TYK2: variants seen among roughly 807,000 people sequenced by gnomAD.
The protein encoded by TYK2 is tyrosine kinase 2, also known as non-receptor tyrosine-protein kinase TYK2.
Under a neutral mutation model 130.9 loss-of-function variants are expected in TYK2, and 65 were observed. The observed-to-expected ratio is 0.50, with a 90% CI of 0.41 to 0.61. The LOEUF (loss-of-function observed/expected upper bound fraction) is 0.61. Ranked by LOEUF, TYK2 falls within the 20% of genes least tolerant of loss-of-function variation. The pLI is 0.00. For missense variants in TYK2, 1,378 were observed against 1,610.7 expected (o/e 0.86, Z 2.47); for synonymous variants, 647 against 658.9 (o/e 0.98, Z 0.28).
chr19:10,358,261 C>A, intron 15 of TYK2, 123 bp from the exon 16 acceptor site: 11 of 675,512 alleles, frequency 1.6e-5, no homozygotes, highest in Admixed American at 4.4e-5. Flanking sequence ...GGGTTTCTTT[C>A]TGTTTTGTTT....
chr19:10,353,275 C>A lies in TYK2; in HGVS notation c.3028-177G>T. ...AGCAAAAGGAGGCTGAGCCAGAAAG[C>A]AGGGACGGGGCTAGACGAGCAAAGC... is the stretch of plus-strand genomic sequence containing the variant. On this transcript the variant is annotated intron_variant, in intron 21 of 24. Transcript: ENST00000525621. The surrounding 1 kb of genome is among the most constrained non-coding windows in gnomAD (Gnocchi z 6.9). The A allele has an allele frequency of 1.7e-6, 1 of 600,230 alleles. No homozygotes were observed. The allele number at this position is 600,230 out of a possible 1,614,324, so 37.2% of individuals were successfully genotyped here.
chr19:10,363,064 G>A (rs868089651), intron 9 of TYK2, among the ~76,000 whole-genome samples: 30 of 151,964 alleles, frequency 2.0e-4, no homozygotes, highest in South Asian at 4.2e-4. Context: ...TTAGTACAGA[G>A]GGGGTTTCAC....
intron 3 of TYK2, among the ~76,000 whole-genome samples, chr19:10,372,458 C>CTATATATATA (rs569826524): frequency 8.9e-4 from 41 of 45,974 alleles, no homozygotes; most frequent in African/African-American, 2.7e-3. Flanking sequence ...CCACACACAG[C>CTATATATATA]TATATATATA....
chr19:10,354,501 C>T lies in TYK2; in HGVS notation c.2715+11G>A, dbSNP rs1249419886. 3 of 1,613,612 alleles carry T rather than the reference C, an allele frequency of 1.9e-6. No individual in the cohort carries two copies. The highest frequency in any genetic ancestry group is 2.2e-5 in the South Asian group (2 of 91,084). On this transcript the variant is annotated intron_variant, in intron 19 of 24. Transcript: ENST00000525621. ...AGGCGGGCCTTTTAGCAGCTCAGGC[C>T]CGTCCCTCACCTCGCCCAGATCTCG...
At chr19:10,360,074 C>T (rs1012019210) in intron 14 of TYK2, among the ~76,000 whole-genome samples, 1 of 150,968 alleles carries the variant, frequency 6.6e-6, no homozygotes, top group African/African-American at 2.4e-5. Flanking sequence ...CCCAGCTATT[C>T]GGGAGGCTGA....
chr19:10,356,190 C>A (rs2041089933), intron 18 of TYK2, among the ~76,000 whole-genome samples: 1 of 152,092 alleles, frequency 6.6e-6, no homozygotes, highest in African/African-American at 2.4e-5. Context: ...ACCAGCCTGG[C>A]CAACATGGCA....
At position 10,361,583 on chromosome 19, in the gene TYK2, C is replaced by A. The variant is rs1199762336; in HGVS notation, c.1975G>T (p.Ala659Ser). ...TGGGAGACCTGGCTCATGAGGCTGGCTGTCTCGTAGAAGGCCTGTGGGGAC... is the reference window on the plus strand; with the variant it reads ...TGGGAGACCTGGCTCATGAGGCTGGATGTCTCGTAGAAGGCCTGTGGGGAC... ...HDIALAFYET[A>S]SLMSQVSHTH... The change falls in exon 14 of 25, where the codon GCC (alanine) becomes TCC (serine). Residue 659 changes from alanine (A) to serine (S), a missense_variant. Ala to Ser is a moderately conservative substitution (Grantham distance 99, BLOSUM62 1). Transcript: ENST00000525621. The surrounding 1 kb of genome is among the most constrained non-coding windows in gnomAD (Gnocchi z 4.0). 2 of 1,548,906 alleles carry A rather than the reference C, an allele frequency of 1.3e-6. No individual in the cohort carries two copies. The highest frequency in any genetic ancestry group is 1.7e-6 in the Non-Finnish European group (2 of 1,147,290).
intron 3 of TYK2, among the ~76,000 whole-genome samples, chr19:10,376,105 C>G (rs569190227): frequency 5.9e-5 from 9 of 151,454 alleles, no homozygotes; most frequent in South Asian, 4.2e-4. Context: ...CTCCACCTCC[C>G]AAGTTCAAGC....
rs2040928094 is a variant in TYK2, at chr19:10,353,641, T to G, written c.2914A>C (p.Lys972Gln). ...YKGCCEDQGE[K>Q]SLQLVMEYVP... is the part of the protein sequence containing the mutation. ...TACTCCATGACCAGCTGCAGCGACT[T>G]CTCGCCTGCCGCGGAGAGGGGCGGC... Residue 972 changes from lysine (K) to glutamine (Q), a missense_variant, in exon 21 of 25, where the codon AAG becomes CAG. Physicochemically the swap from Lys to Gln is moderately conservative, Grantham distance 53. Transcript: ENST00000525621. The surrounding 1 kb of genome is among the most constrained non-coding windows in gnomAD (Gnocchi z 6.9). 4 of 1,468,918 alleles carry G rather than the reference T, an allele frequency of 2.7e-6. No homozygotes were observed. The highest frequency in any genetic ancestry group is 2.7e-6 in the Non-Finnish European group (3 of 1,109,630). The allele number at this position is 1,468,918 out of a possible 1,614,324, so 91.0% of individuals were successfully genotyped here. A position where few individuals can be genotyped will look rare whatever the true frequency, so the allele number is the denominator to read the frequency against.
chr19:10,353,434 C>A lies in TYK2; in HGVS notation c.3027+94G>T. ...GACAGCCTGGGCAAACGAGCAGGGGCGGAGCGTGAGAGCAGACTGCACCGG... is the reference window on the plus strand; with the variant it reads ...GACAGCCTGGGCAAACGAGCAGGGGAGGAGCGTGAGAGCAGACTGCACCGG... On this transcript the variant is annotated intron_variant, in intron 21 of 24. Transcript: ENST00000525621. This position sits in a 1 kb window ranked among gnomAD's most constrained non-coding sequence, Gnocchi z 6.9. The A allele has an allele frequency of 1.1e-6, 1 of 879,688 alleles. No homozygotes were observed. Among genetic ancestry groups the A allele is most frequent in the Non-Finnish European group, 1.7e-6 (1 of 601,014 alleles). 54.5% of individuals were successfully genotyped at this position (879,688 alleles called of 1,614,324 possible).
At position 10,358,151 on chromosome 19, in the gene TYK2, G is replaced by A. The variant is rs1444079779; in HGVS notation, c.2176-13C>T. The A allele has an allele frequency of 1.3e-5, 20 of 1,599,728 alleles. No homozygotes were observed. In the African/African-American group the frequency reaches 2.5e-4, roughly 20 times the overall value. ...GGTTCTTGTTCTCCTGAGGTGGGCA[G>A]GAGAGGGGGTGTGGCCACTCAGGAG... On this transcript the variant is annotated splice_polypyrimidine_tract_variant and intron_variant, in intron 15 of 24. Coordinates refer to ENST00000525621, the MANE Select transcript of TYK2 (RefSeq NM_003331.5).
rs12720310 is a variant in TYK2 at position 10,356,357 on chromosome 19, T to C, written c.2617+211A>G. Among the ~76,000 whole-genome samples, 4,249 of 152,154 alleles carry C rather than the reference T, an allele frequency of 0.028. 189 individuals carry two copies. Among genetic ancestry groups the C allele is most frequent in the African/African-American group, 0.096 (3,998 of 41,486 alleles). On this transcript the variant is annotated intron_variant, in intron 18 of 24. Coordinates refer to ENST00000525621, the MANE Select transcript of TYK2 (RefSeq NM_003331.5). ...TCACGTCACTGCGCTCCAGGCTGGG[T>C]GACAGAGCAAGATTCCATTGCAAAT...
intron 22 of TYK2, 150 bp from the exon 23 acceptor site, chr19:10,352,701 C>T: frequency 4.2e-6 from 3 of 721,450 alleles, no homozygotes; most frequent in Non-Finnish European, 6.8e-6. Context: ...GTGATATGCT[C>T]ATTGGCTAGG....
At chr19:10,360,015 A>G (rs928771991) in intron 14 of TYK2, among the ~76,000 whole-genome samples, 1 of 148,602 alleles carries the variant, frequency 6.7e-6, no homozygotes, top group Non-Finnish European at 1.5e-5. Context: ...CATCTCAAAA[A>G]GAAGAAAAAA....
Position 10,374,807 on chromosome 19 carries a change from C to T in TYK2, c.193+3407G>A, listed in dbSNP as rs893803836. 2.6e-4 allele frequency among the ~76,000 whole-genome samples: 40 copies of T among 151,304 alleles called. 1 individual carries two copies. The highest frequency in any genetic ancestry group is 1.5e-4 in the Non-Finnish European group (10 of 67,886). On this transcript the variant is annotated intron_variant, in intron 3 of 24. Coordinates refer to ENST00000525621, the MANE Select transcript of TYK2 (RefSeq NM_003331.5). ...CTGAGGCAGGAGGATCGCTAGAACCCGGGAGGCGGAGGTTGCAGTGAGCCA... is the reference window on the plus strand; with the variant it reads ...CTGAGGCAGGAGGATCGCTAGAACCTGGGAGGCGGAGGTTGCAGTGAGCCA...
intron 3 of TYK2, among the ~76,000 whole-genome samples, chr19:10,374,523 T>G (rs1448846815): frequency 7.8e-6 from 1 of 127,528 alleles, no homozygotes; most frequent in Non-Finnish European, 1.6e-5. Context: ...AGGCGGAGGT[T>G]GCAGTGAGCC....
chr19:10,353,998 A>G lies in TYK2; in HGVS notation c.2908+44T>C, dbSNP rs12720320. The G allele has an allele frequency of 0.096, 154,129 of 1,602,136 alleles. 8,406 individuals carry two copies. Among genetic ancestry groups the G allele is most frequent in the African/African-American group, 0.21 (15,548 of 74,680 alleles). ...CCCACAAGGCCACACCCACGCTCTAACCACGCCCCCTCAAGTCTCTAGGAC... is the reference window on the plus strand; with the variant it reads ...CCCACAAGGCCACACCCACGCTCTAGCCACGCCCCCTCAAGTCTCTAGGAC... On this transcript the variant is annotated intron_variant, in intron 20 of 24. Coordinates refer to ENST00000525621, the MANE Select transcript of TYK2 (RefSeq NM_003331.5). This position sits in a 1 kb window ranked among gnomAD's most constrained non-coding sequence, Gnocchi z 6.9.
rs1043406605 is a variant in TYK2 at position 10,361,412 on chromosome 19, G to T, written c.2047+99C>A. ...AGGTGAGAGTTGAGAAATAGGCATA[G>T]GTTGGGGTGTAGGTCGAGGGTTGGG... On this transcript the variant is annotated intron_variant, in intron 14 of 24. Coordinates refer to ENST00000525621, the MANE Select transcript of TYK2 (RefSeq NM_003331.5). This position sits in a 1 kb window ranked among gnomAD's most constrained non-coding sequence, Gnocchi z 4.0. 41 of 1,182,376 alleles carry T rather than the reference G, an allele frequency of 3.5e-5. No homozygotes were observed. Among genetic ancestry groups the T allele is most frequent in the Admixed American group, 3.2e-4 (16 of 50,386 alleles). The allele number at this position is 1,182,376 out of a possible 1,614,324, so 73.2% of individuals were successfully genotyped here.
At chr19:10,354,316 T>G in intron 19 of TYK2, 82 bp from the exon 20 acceptor site, 6 of 1,530,122 alleles carry the variant, frequency 3.9e-6, no homozygotes, top group Non-Finnish European at 5.4e-6. Context: ...GGGCCACTCC[T>G]CCAGGCAGAT....
Sources: gnomAD v4.1 joint callset for allele counts (sites outside exome capture counted in the v4.1 genomes callset) on GRCh38, gnomAD v4.1.1 for gene constraint, Gnocchi (gnomAD v3.1) non-coding constraint, MANE v1.5 for transcripts, NCBI Gene and HGNC (gene_info 2026-07-23, HGNC 2026-07-21) for gene names.